The following GXYLT1 variants were observed in gnomAD, a reference collection of about 807,000 sequenced individuals.
GXYLT1 encodes the protein glycosyltransferase 8 domain containing 3.
Under a neutral mutation model 54.0 loss-of-function variants are expected in GXYLT1, and 29 were observed. The ratio of observed to expected loss-of-function variants is 0.54; its 90% CI spans 0.40 to 0.73. The LOEUF (loss-of-function observed/expected upper bound fraction) is 0.73. GXYLT1 is among the 30% of genes least tolerant of loss of function. The pLI is 0.00. For synonymous variants in GXYLT1, 176 were observed against 204.1 expected, an observed-to-expected ratio of 0.86 and a Z score of 1.17; for missense variants, 490 against 553.4, an observed-to-expected ratio of 0.89 and a Z score of 1.15.
intron 4 of GXYLT1, 135 bp from the exon 5 acceptor site, chr12:42,106,204 A>C (rs963583330): frequency 1.7e-6 from 1 of 594,952 alleles, no homozygotes; most frequent in Non-Finnish European, 2.8e-6. Flanking sequence ...ATCTTTCCTA[A>C]ATCTGTCATT....
In GXYLT1 at chr12:42,084,606, G is replaced by A. The variant is rs1316168695; in HGVS notation, c.*3180C>T. 1.3e-5 allele frequency: 2 copies of A among 152,316 alleles called. No homozygotes were observed. Among genetic ancestry groups the A allele is most frequent in the Non-Finnish European group, 2.9e-5 (2 of 68,066 alleles). The allele number at this position is 152,316 out of a possible 1,614,324, so 9.4% of individuals were successfully genotyped here. A position where few individuals can be genotyped will look rare whatever the true frequency, so the allele number is the denominator to read the frequency against. The stretch of plus-strand genomic sequence containing the variant: ...TGTACTTAAAAACCTAAGGCACAGA[G>A]AAGGGTAAATAACATGCCTGAGTTA... On this transcript the variant is annotated 3_prime_UTR_variant, in exon 8 of 8. Coordinates refer to ENST00000398675, the MANE Select transcript of GXYLT1 (RefSeq NM_173601.2).
chr12:42,126,669 G>A (rs924361319), intron 2 of GXYLT1, among the ~76,000 whole-genome samples: 1 of 152,122 alleles, frequency 6.6e-6, no homozygotes, highest in Non-Finnish European at 1.5e-5. Context: ...GAGGCGGCCA[G>A]ATCACCTGAG....
chr12:42,132,502 A>G (rs1381221805), intron 1 of GXYLT1, among the ~76,000 whole-genome samples: 2 of 152,232 alleles, frequency 1.3e-5, no homozygotes, highest in African/African-American at 4.8e-5. Flanking sequence ...CTAAGAAACA[A>G]ATTACCCACC....
chr12:42,098,588 G>A (rs2065370876), intron 5 of GXYLT1, among the ~76,000 whole-genome samples: 1 of 151,532 alleles, frequency 6.6e-6, no homozygotes, highest in Non-Finnish European at 1.5e-5. Flanking sequence ...AATCAAGGCT[G>A]CAGAGGGAGT....
At chr12:42,093,678 T>C (rs1448519184) in intron 7 of GXYLT1, among the ~76,000 whole-genome samples, 1 of 152,112 alleles carries the variant, frequency 6.6e-6, no homozygotes, top group Non-Finnish European at 1.5e-5. Flanking sequence ...AGCCTTTTAA[T>C]TTATTTTATT....
rs1410137734 is a variant in GXYLT1 at position 42,087,951 on chromosome 12, G to C, written c.1162-4C>G. The C allele has an allele frequency of 1.4e-6, 2 of 1,464,734 alleles. No homozygotes were observed. 90.7% of individuals were successfully genotyped at this position (1,464,734 alleles called of 1,614,324 possible). A position where few individuals can be genotyped will look rare whatever the true frequency, so the allele number is the denominator to read the frequency against. ...TGTTGTCATCTTCAAAAGAACACTA[G>C]AGAAAGAAAATTTTAAAAAATAAAA... On this transcript the variant is annotated splice_polypyrimidine_tract_variant and splice_region_variant and intron_variant, in intron 7 of 7. Coordinates refer to ENST00000398675, the MANE Select transcript of GXYLT1 (RefSeq NM_173601.2).
intron 7 of GXYLT1, among the ~76,000 whole-genome samples, chr12:42,095,348 T>C (rs2065349716): frequency 6.6e-6 from 1 of 152,164 alleles, no homozygotes. Context: ...TTATTTATAA[T>C]TCAAGCTATT....
rs1434792360 is a variant in GXYLT1, at chr12:42,086,707, G to T, written c.*1079C>A. On this transcript the variant is annotated 3_prime_UTR_variant, in exon 8 of 8. Coordinates refer to ENST00000398675, the MANE Select transcript of GXYLT1 (RefSeq NM_173601.2). ...AAAACCACATTTTCTACAGCTGGAT[G>T]TAACAATCTTATTCCAAATCATCCA... 2.6e-5 allele frequency: 4 copies of T among 151,418 alleles called. No individual in the cohort carries two copies. Among genetic ancestry groups the T allele is most frequent in the Non-Finnish European group, 5.9e-5 (4 of 67,844 alleles). The allele number at this position is 151,418 out of a possible 1,614,324, so 9.4% of individuals were successfully genotyped here. A position where few individuals can be genotyped will look rare whatever the true frequency, so the allele number is the denominator to read the frequency against.
At position 42,137,647 on chromosome 12, in the gene GXYLT1, C is replaced by T. The variant is rs533630698; in HGVS notation, c.221+6779G>A. Among the ~76,000 whole-genome samples, 35 of 150,200 alleles carry T rather than the reference C, an allele frequency of 2.3e-4. 1 individual carries two copies. The South Asian group carries it at 3.2e-3, about 14-fold the overall frequency. On this transcript the variant is annotated intron_variant, in intron 1 of 7. Transcript: ENST00000398675. ...TGGCAGGCGCCTGTAGTCCCAGCTA[C>T]TTGGGAGGCTGAGGCAGGAGAATGG... is the stretch of plus-strand genomic sequence containing the variant.
intron 7 of GXYLT1, among the ~76,000 whole-genome samples, chr12:42,096,649 T>C (rs1014460140): frequency 6.6e-6 from 1 of 152,124 alleles, no homozygotes; most frequent in African/African-American, 2.4e-5. Context: ...GCAAATAACA[T>C]GGTGAAGATT....
chr12:42,133,086 T>C (rs1397394061), intron 1 of GXYLT1, among the ~76,000 whole-genome samples: 2 of 152,048 alleles, frequency 1.3e-5, no homozygotes, highest in Admixed American at 1.3e-4. Context: ...AGTTTGAGAA[T>C]GGCCTGGCCA....
At chr12:42,116,315 A>C (rs1239293827) in intron 3 of GXYLT1, among the ~76,000 whole-genome samples, 1 of 152,222 alleles carries the variant, frequency 6.6e-6, no homozygotes, top group Non-Finnish European at 1.5e-5. Context: ...CTGCACAGCA[A>C]AAGAAACTAC....
intron 1 of GXYLT1, among the ~76,000 whole-genome samples, chr12:42,133,847 G>C (rs1296145489): frequency 6.6e-6 from 1 of 152,080 alleles, no homozygotes; most frequent in African/African-American, 2.4e-5. Flanking sequence ...CCAACACCCA[G>C]GTTACACAAT....
At chr12:42,130,391 T>C (rs1233787743) in intron 1 of GXYLT1, among the ~76,000 whole-genome samples, 4 of 152,058 alleles carry the variant, frequency 2.6e-5, no homozygotes, top group Non-Finnish European at 5.9e-5. Flanking sequence ...TCACTAATCA[T>C]CAGGGAAACG....
At position 42,100,554 on chromosome 12, in the gene GXYLT1, G is replaced by GA. The variant is rs534838064; in HGVS notation, c.865-2522dup. 1.4e-3 allele frequency among the ~76,000 whole-genome samples: 203 copies of GA among 143,990 alleles called. 1 individual carries two copies. Among genetic ancestry groups the GA allele is most frequent in the East Asian group, 4.4e-3 (22 of 4,994 alleles). The allele number at this position is 143,990 out of a possible 152,430, so 94.5% of individuals were successfully genotyped here. A position where few individuals can be genotyped will look rare whatever the true frequency, so the allele number is the denominator to read the frequency against. On this transcript the variant is annotated intron_variant, in intron 5 of 7. Coordinates refer to ENST00000398675, the MANE Select transcript of GXYLT1 (RefSeq NM_173601.2). The stretch of plus-strand genomic sequence containing the variant: ...TAAAAAAGAGAAGGCCAGAATTCAT[G>GA]AAAAAAAAAAAATCCACATACTTAA...
At position 42,130,547 on chromosome 12, in the gene GXYLT1, T is replaced by TA. The variant is rs546263317; in HGVS notation, c.222-697dup. Among the ~76,000 whole-genome samples the TA allele has an allele frequency of 2.3e-3, 353 of 151,168 alleles. 1 individual carries two copies. The highest frequency in any genetic ancestry group is 7.8e-3 in the African/African-American group (322 of 41,236). Reference sequence around the variant, plus strand: ...GGAACATACATTACTACAGTCACTATAAAAAAAAACAGTATATAGAGATTC... The same window carrying TA: ...GGAACATACATTACTACAGTCACTATAAAAAAAAAACAGTATATAGAGATTC... On this transcript the variant is annotated intron_variant, in intron 1 of 7. Transcript: ENST00000398675.
intron 2 of GXYLT1, among the ~76,000 whole-genome samples, chr12:42,128,432 CTATCT>C (rs2065575551): frequency 6.6e-6 from 1 of 152,054 alleles, no homozygotes; most frequent in African/African-American, 2.4e-5. Flanking sequence ...GAAGTTCTTC[CTATCT>C]CAAACACTTC....
intron 1 of GXYLT1, among the ~76,000 whole-genome samples, chr12:42,143,267 T>C (rs2065661825): frequency 2.0e-5 from 3 of 152,204 alleles, no homozygotes; most frequent in Non-Finnish European, 4.4e-5. Context: ...CCATAAACAG[T>C]TTAGCTTCAA....
chr12:42,116,838 T>C (rs549938513), intron 3 of GXYLT1, among the ~76,000 whole-genome samples: 14 of 152,346 alleles, frequency 9.2e-5, no homozygotes, highest in East Asian at 5.8e-4. Flanking sequence ...TGTATGTTTA[T>C]TGTGGCACTA....
Sources: gnomAD v4.1 joint callset for allele counts (sites outside exome capture counted in the v4.1 genomes callset) on GRCh38, gnomAD v4.1.1 for gene constraint, MANE v1.5 for transcripts, NCBI Gene and HGNC (gene_info 2026-07-23, HGNC 2026-07-21) for gene names.